MAP2K4: variants seen among roughly 807,000 people sequenced by gnomAD.
The protein encoded by MAP2K4 is dual specificity mitogen-activated protein kinase kinase 4.
A neutral mutation model predicts 48.5 loss-of-function variants in MAP2K4; 4 were observed. The observed-to-expected ratio is 0.08, with a 90% confidence interval of 0.04 to 0.19. MAP2K4 has a LOEUF of 0.19. MAP2K4 is among the 10% of genes least tolerant of loss of function. MAP2K4 has a pLI of 1.00. For missense variants in MAP2K4, 258 were observed against 493.3 expected (o/e 0.52, Z 4.52); for synonymous variants, 166 against 173.1 (o/e 0.96, Z 0.32).
intron 1 of MAP2K4, among the ~76,000 whole-genome samples, chr17:12,035,052 G>A (rs1251698530): frequency 6.6e-6 from 1 of 152,154 alleles, no homozygotes; most frequent in Non-Finnish European, 1.5e-5. Flanking sequence ...CTATATTTTA[G>A]TATAAGTTCT....
intron 9 of MAP2K4, among the ~76,000 whole-genome samples, chr17:12,139,398 A>G (rs1973305660): frequency 6.6e-6 from 1 of 152,218 alleles, no homozygotes; most frequent in Non-Finnish European, 1.5e-5. Flanking sequence ...ATTGATAAAA[A>G]TGTATATGTA....
At position 12,113,175 on chromosome 17, in the gene MAP2K4, G is replaced by A. The variant is rs1597480109; in HGVS notation, c.686-58G>A. 3 of 1,550,772 alleles carry A rather than the reference G, an allele frequency of 1.9e-6. No individual in the cohort carries two copies. In the East Asian group the frequency reaches 6.8e-5, roughly 35 times the overall value. On this transcript the variant is annotated intron_variant, in intron 6 of 10. Coordinates refer to ENST00000353533, the MANE Select transcript of MAP2K4 (RefSeq NM_003010.4). Reference sequence around the variant, plus strand: ...TTTCAATATTTTTGCTTAAAGTGAAGCCTTATGTAACTTAGGAAGAAGCTA... The same window carrying A: ...TTTCAATATTTTTGCTTAAAGTGAAACCTTATGTAACTTAGGAAGAAGCTA...
chr17:12,115,503 C>T (rs1257508896), intron 7 of MAP2K4: 1 of 608,160 alleles, frequency 1.6e-6, no homozygotes, highest in East Asian at 3.4e-5. Context: ...AAGGTACGGT[C>T]AAAATATGGT....
intron 7 of MAP2K4, among the ~76,000 whole-genome samples, chr17:12,124,097 A>T (rs955253737): frequency 6.6e-6 from 1 of 152,234 alleles, no homozygotes; most frequent in Non-Finnish European, 1.5e-5. Context: ...CAAAGTAAAT[A>T]GCTTACAGTG....
intron 7 of MAP2K4, among the ~76,000 whole-genome samples, chr17:12,122,667 A>G (rs1293288124): frequency 1.3e-5 from 2 of 152,166 alleles, no homozygotes; most frequent in Non-Finnish European, 2.9e-5. Flanking sequence ...CTCCAGTAGA[A>G]TCCTGAATAG....
At position 12,116,582 on chromosome 17, in the gene MAP2K4, A is replaced by G. The variant is rs114719771; in HGVS notation, c.813+3222A>G. 7.8e-3 allele frequency among the ~76,000 whole-genome samples: 1,195 copies of G among 152,252 alleles called. 16 individuals are homozygous for G. The highest frequency in any genetic ancestry group is 0.026 in the African/African-American group (1,075 of 41,548). ...GTACAAAAATATTTTCTTTCTTTGT[A>G]TCTTTATTCCGTAAGGCTATTCTGT... is the stretch of plus-strand genomic sequence containing the variant. On this transcript the variant is annotated intron_variant, in intron 7 of 10. Transcript: ENST00000353533.
intron 2 of MAP2K4, among the ~76,000 whole-genome samples, chr17:12,057,343 A>G (rs973888132): frequency 6.6e-6 from 1 of 152,220 alleles, no homozygotes; most frequent in African/African-American, 2.4e-5. Flanking sequence ...GACAAGGGAC[A>G]GTGGCATTCT....
At chr17:12,105,810 C>T (rs1972091825) in intron 4 of MAP2K4, among the ~76,000 whole-genome samples, 1 of 151,940 alleles carries the variant, frequency 6.6e-6, no homozygotes, top group South Asian at 2.1e-4. Flanking sequence ...TTCTGTCCCC[C>T]CTTCTCATCT....
intron 6 of MAP2K4, among the ~76,000 whole-genome samples, chr17:12,112,007 C>A (rs561478835): frequency 6.6e-6 from 1 of 152,286 alleles, no homozygotes; most frequent in African/African-American, 2.4e-5. Flanking sequence ...TCTCTAATAC[C>A]TTTTCTTGGC....
Position 12,081,803 on chromosome 17 carries a change from G to A in MAP2K4, c.393+273G>A. On this transcript the variant is annotated intron_variant, in intron 3 of 10. Transcript: ENST00000353533. The surrounding 1 kb of genome is among the most constrained non-coding windows in gnomAD (Gnocchi z 4.2). ...GTTTTAAACTTCAGGCCCTTCTACT[G>A]CCAAGGTGAGTTCAGGCTGGGCGGC... 2.1e-6 allele frequency: 1 copy of A among 484,720 alleles called. No homozygotes were observed. The highest frequency in any genetic ancestry group is 4.1e-6 in the Non-Finnish European group (1 of 245,154). 30.0% of individuals were successfully genotyped at this position (484,720 alleles called of 1,614,324 possible).
chr17:12,034,202 G>A (rs1207485796), intron 1 of MAP2K4, among the ~76,000 whole-genome samples: 2 of 152,212 alleles, frequency 1.3e-5, no homozygotes, highest in Non-Finnish European at 2.9e-5. Flanking sequence ...TATATACAGT[G>A]TCTATAAGTA....
In MAP2K4 at chr17:12,139,460, A is replaced by G. The variant is rs116650321; in HGVS notation, c.1041-379A>G. 6.2e-3 allele frequency among the ~76,000 whole-genome samples: 947 copies of G among 152,326 alleles called. 2 individuals are homozygous for G. The highest frequency in any genetic ancestry group is 0.036 in the East Asian group (188 of 5,176). On this transcript the variant is annotated intron_variant, in intron 9 of 10. Transcript: ENST00000353533. ...CTGGTTTCTCTTGGGTAGTATCTGC[A>G]TAAATATCTGTCTACTTATTTATTT...
rs888769969 is a variant in MAP2K4 at position 12,059,226 on chromosome 17, A to T, written c.218+4235A>T. Among the ~76,000 whole-genome samples, 43 of 152,356 alleles carry T rather than the reference A, an allele frequency of 2.8e-4. 1 individual carries two copies. The highest frequency in any genetic ancestry group is 1.0e-3 in the African/African-American group (42 of 41,588). ...GGATAGCCAAAGAGTACAAAGAAAAAGCAAAGGAAAAATGTGTGGCTACCT... is the reference window on the plus strand; with the variant it reads ...GGATAGCCAAAGAGTACAAAGAAAATGCAAAGGAAAAATGTGTGGCTACCT... On this transcript the variant is annotated intron_variant, in intron 2 of 10. Coordinates refer to ENST00000353533, the MANE Select transcript of MAP2K4 (RefSeq NM_003010.4).
intron 2 of MAP2K4, among the ~76,000 whole-genome samples, chr17:12,078,177 A>G (rs1971074207): frequency 6.6e-6 from 1 of 152,164 alleles, no homozygotes. Flanking sequence ...GGATCCTGTT[A>G]GGGAGGATGA....
intron 1 of MAP2K4, among the ~76,000 whole-genome samples, chr17:12,022,178 G>A (rs1969098578): frequency 6.6e-6 from 1 of 152,130 alleles, no homozygotes; most frequent in Admixed American, 6.5e-5. Flanking sequence ...AATAGTTCAT[G>A]TTTATAGAGC....
chr17:12,086,424 A>G (rs1375324830), intron 3 of MAP2K4, among the ~76,000 whole-genome samples: 1 of 152,130 alleles, frequency 6.6e-6, no homozygotes, highest in Non-Finnish European at 1.5e-5. Context: ...GCTTATGTAG[A>G]TGGGGTTGGA....
At chr17:12,080,960 A>G (rs1221919452) in intron 2 of MAP2K4, among the ~76,000 whole-genome samples, 2 of 152,204 alleles carry the variant, frequency 1.3e-5, no homozygotes, top group Admixed American at 6.5e-5. Context: ...TAGGGTAAGA[A>G]CTTTTTCGCA....
At chr17:12,098,176 C>T (rs1022780978) in intron 4 of MAP2K4, among the ~76,000 whole-genome samples, 5 of 151,870 alleles carry the variant, frequency 3.3e-5, no homozygotes, top group Admixed American at 2.6e-4. Flanking sequence ...CCCGAAGTTA[C>T]AAAGGTTAAA....
chr17:12,056,398 A>C (rs898205515), intron 2 of MAP2K4, among the ~76,000 whole-genome samples: 38 of 152,204 alleles, frequency 2.5e-4, no homozygotes, highest in African/African-American at 8.9e-4. Flanking sequence ...TAGTAAACAC[A>C]GGGTGGAAAA....
Sources: allele counts gnomAD v4.1 joint callset (sites outside exome capture counted in the v4.1 genomes callset), GRCh38; gene constraint gnomAD v4.1.1; non-coding constraint Gnocchi (gnomAD v3.1); transcripts MANE v1.5; gene names NCBI Gene and HGNC (gene_info 2026-07-23, HGNC 2026-07-21).